Variants in TRAK1 observed in about 807,000 individuals in gnomAD.
TRAK1 encodes trafficking kinesin protein 1.
A neutral mutation model predicts 92.1 loss-of-function variants in TRAK1; 33 were observed. The ratio of observed to expected loss-of-function variants is 0.36; its 90% confidence interval spans 0.27 to 0.48. The LOEUF is 0.48. Ranked by LOEUF, TRAK1 falls within the 20% of genes least tolerant of loss-of-function variation. TRAK1 has a pLI of 0.99. For missense variants in TRAK1, 1,123 were observed against 1,257.9 expected (o/e 0.89, Z 1.62); for synonymous variants, 521 against 517.3 (o/e 1.01, Z -0.10).
chr3:42,081,347 T>A (rs569995553), intron 1 of TRAK1, among the ~76,000 whole-genome samples: 1 of 152,326 alleles, frequency 6.6e-6, no homozygotes, highest in South Asian at 2.1e-4. Context: ...GTGTGAAATT[T>A]GGGAGTTTAG....
intron 2 of TRAK1, among the ~76,000 whole-genome samples, chr3:42,138,876 GGTGTGTGTGTGTGTGT>G (rs60025099): frequency 1.3e-4 from 16 of 118,820 alleles, no homozygotes; most frequent in South Asian, 1.1e-3. Context: ...AAGCATAGGG[GGTGTGTGTGTGTGTGT>G]GTGTGTGTGT....
intron 2 of TRAK1, among the ~76,000 whole-genome samples, chr3:42,167,705 C>G (rs1017598006): frequency 1.4e-4 from 21 of 152,100 alleles, no homozygotes; most frequent in Non-Finnish European, 2.8e-4. Flanking sequence ...ATGATGAAAC[C>G]CTGTCTCTAC....
intron 1 of TRAK1, among the ~76,000 whole-genome samples, chr3:42,106,356 A>C (rs918110770): frequency 2.6e-5 from 4 of 152,196 alleles, no homozygotes; most frequent in East Asian, 1.9e-4. Context: ...CAAAACAAAA[A>C]AAAAGCAGGG....
intron 2 of TRAK1, among the ~76,000 whole-genome samples, chr3:42,174,736 A>C (rs1000588510): frequency 6.8e-6 from 1 of 146,940 alleles, no homozygotes; most frequent in Non-Finnish European, 1.5e-5. Context: ...ATATACAAAA[A>C]TTTTTTTTTT....
At position 42,224,720 on chromosome 3, in the gene TRAK1, C is replaced by T. The variant is rs1204458503; in HGVS notation, c.*983C>T. On this transcript the variant is annotated 3_prime_UTR_variant, in exon 16 of 16. Transcript: ENST00000327628. ...GAAAAAGCTTATTAAAGAAATGTGT[C>T]AACACCAAATGTAGAGGGGAAGAAC... The T allele has an allele frequency of 6.6e-5, 10 of 152,208 alleles. No individual in the cohort carries two copies. Among genetic ancestry groups the T allele is most frequent in the Admixed American group, 6.5e-4 (10 of 15,282 alleles). The allele number at this position is 152,208 out of a possible 1,614,324, so 9.4% of individuals were successfully genotyped here.
chr3:42,213,197 A>G (rs993795548), intron 14 of TRAK1, among the ~76,000 whole-genome samples: 2 of 151,830 alleles, frequency 1.3e-5, no homozygotes, highest in African/African-American at 4.8e-5. Context: ...AGCTGGGACT[A>G]TAGGCACACG....
intron 2 of TRAK1, among the ~76,000 whole-genome samples, chr3:42,150,793 GC>G (rs1699868220): frequency 6.6e-6 from 1 of 152,212 alleles, no homozygotes; most frequent in Admixed American, 6.5e-5. Flanking sequence ...AGCTTTAGAT[GC>G]AGACATTGTC....
rs116112889 is a variant in TRAK1, at chr3:42,156,676, C to T, written c.287-20138C>T. On this transcript the variant is annotated intron_variant, in intron 2 of 15. Transcript: ENST00000327628. Reference sequence around the variant, plus strand: ...AGAAATTAGAAATTCACCACTTTCCCATCCATCCACATAAATGACTAAGAC... The same window carrying T: ...AGAAATTAGAAATTCACCACTTTCCTATCCATCCACATAAATGACTAAGAC... Among the ~76,000 whole-genome samples, 1,057 of 152,262 alleles carry T rather than the reference C, an allele frequency of 6.9e-3. 12 individuals carry two copies. Among genetic ancestry groups the T allele is most frequent in the African/African-American group, 0.024 (1,005 of 41,538 alleles).
chr3:42,025,943 A>AT (rs1276570597), intron 1 of TRAK1, among the ~76,000 whole-genome samples: 2 of 151,678 alleles, frequency 1.3e-5, no homozygotes, highest in Non-Finnish European at 1.5e-5. Flanking sequence ...ATGCATCACT[A>AT]TTTTTTTCCC....
Position 42,193,817 on chromosome 3 carries a change from G to T in TRAK1, c.901-7G>T, listed in dbSNP as rs1440328743. 1 of 1,614,000 alleles carries T rather than the reference G, an allele frequency of 6.2e-7. No individual in the cohort carries two copies. The highest frequency in any genetic ancestry group is 8.5e-7 in the Non-Finnish European group (1 of 1,180,008). ...TTAGGAAGTGATCTATCTTTGCCATGCTTTAGTGCGCAGTGGAAAATGAAG... is the reference window on the plus strand; with the variant it reads ...TTAGGAAGTGATCTATCTTTGCCATTCTTTAGTGCGCAGTGGAAAATGAAG... On this transcript the variant is annotated splice_polypyrimidine_tract_variant and splice_region_variant and intron_variant, in intron 8 of 15. Transcript: ENST00000327628.
intron 1 of TRAK1, among the ~76,000 whole-genome samples, chr3:42,034,834 G>T (rs781129804): frequency 6.7e-6 from 1 of 150,148 alleles, no homozygotes; most frequent in Admixed American, 6.6e-5. Context: ...GAGCTAGTTT[G>T]TGCCACCGAG....
At chr3:42,196,936 C>T (rs1487841504) in intron 10 of TRAK1, among the ~76,000 whole-genome samples, 1 of 149,940 alleles carries the variant, frequency 6.7e-6, no homozygotes, top group Non-Finnish European at 1.5e-5. Flanking sequence ...CAGTCCTGAA[C>T]TAATTTCTCT....
intron 1 of TRAK1, among the ~76,000 whole-genome samples, chr3:42,077,549 G>A (rs1576254923): frequency 2.0e-5 from 3 of 152,130 alleles, no homozygotes; most frequent in Admixed American, 1.3e-4. Context: ...TTGGCCTCCC[G>A]AAGTGTTGGG....
intron 1 of TRAK1, among the ~76,000 whole-genome samples, chr3:42,030,037 G>A (rs1025160709): frequency 6.6e-6 from 1 of 151,926 alleles, no homozygotes; most frequent in Non-Finnish European, 1.5e-5. Flanking sequence ...GACAGGAGCA[G>A]CCAAGGGAGA....
At chr3:42,192,027 A>G (rs1416986260) in intron 7 of TRAK1, among the ~76,000 whole-genome samples, 2 of 148,446 alleles carry the variant, frequency 1.3e-5, no homozygotes, top group Non-Finnish European at 3.0e-5. Context: ...TTAGCCTCTC[A>G]AGTAGCTAGG....
chr3:42,070,194 T>C (rs1285070035), intron 1 of TRAK1, among the ~76,000 whole-genome samples: 1 of 150,926 alleles, frequency 6.6e-6, no homozygotes, highest in Non-Finnish European at 1.5e-5. Context: ...AGTGAGCTTG[T>C]TACCTGCACC....
At chr3:42,203,852 G>A (rs1355941799) in intron 13 of TRAK1, 2 of 872,764 alleles carry the variant, frequency 2.3e-6, no homozygotes, top group Non-Finnish European at 2.7e-6. Flanking sequence ...TACATCTGTG[G>A]TATTAAAATT....
At chr3:42,139,980 C>A (rs1263175370) in intron 2 of TRAK1, among the ~76,000 whole-genome samples, 1 of 152,168 alleles carries the variant, frequency 6.6e-6, no homozygotes, top group East Asian at 1.9e-4. Context: ...TACAGCCTCC[C>A]AGGCTGGCAG....
intron 13 of TRAK1, among the ~76,000 whole-genome samples, chr3:42,207,077 A>G (rs1343047332): frequency 3.3e-5 from 5 of 152,142 alleles, no homozygotes; most frequent in Non-Finnish European, 7.4e-5. Flanking sequence ...CCCAGAGTCT[A>G]TTGGCATACC....
Sources: gnomAD v4.1 joint callset for allele counts (sites outside exome capture counted in the v4.1 genomes callset) on GRCh38, gnomAD v4.1.1 for gene constraint, MANE v1.5 for transcripts, NCBI Gene and HGNC (gene_info 2026-07-23, HGNC 2026-07-21) for gene names.